The following BCAN variants were observed in gnomAD, a reference collection of about 807,000 sequenced individuals.
BCAN encodes brevican.
A neutral mutation model predicts 92.4 loss-of-function variants in BCAN; 51 were observed. The observed-to-expected ratio is 0.55, with a 90% CI of 0.44 to 0.70. The LOEUF is 0.70. BCAN is among the 30% of genes least tolerant of loss of function. BCAN has a pLI of 0.00. For synonymous variants in BCAN, 501 were observed against 505.2 expected, an observed-to-expected ratio of 0.99 and a Z score of 0.11; for missense variants, 1,140 against 1,212.1, an observed-to-expected ratio of 0.94 and a Z score of 0.88.
Position 156,652,599 on chromosome 1 carries a change from A to C in BCAN, c.1649A>C (p.Asn550Thr), listed in dbSNP as rs749567822. 5.6e-6 allele frequency: 9 copies of C among 1,614,030 alleles called. No individual in the cohort carries two copies. The highest frequency in any genetic ancestry group is 6.8e-6 in the Non-Finnish European group (8 of 1,179,928). ...ACTCTGCCCACTCCCAGGGAGAGGA[A>C]CCTAGCATCCCCATCACCTTCCACT... ...TETLPTPRER[N>T]LASPSPSTLV... Residue 550 changes from asparagine to threonine, a missense_variant, in exon 8 of 14, where the codon AAC becomes ACC. Around this residue, in one of 3 missense-constraint regions of BCAN, gnomAD observed 825 missense variants for 871.8 expected, o/e 0.95. Coordinates refer to ENST00000329117, the MANE Select transcript of BCAN (RefSeq NM_021948.5).
Position 156,658,706 on chromosome 1 carries a change from C to T in BCAN, c.2601C>T (p.Pro867=), listed in dbSNP as rs1679426314. The T allele has an allele frequency of 2.5e-6, 4 of 1,614,082 alleles. No individual in the cohort carries two copies. Among genetic ancestry groups the T allele is most frequent in the Non-Finnish European group, 3.4e-6 (4 of 1,180,038 alleles). ...AAGAGAACGGTCGTTGGGAGGCCCC[C>T]CAGATCTCCTGTGTGCCCAGAAGAC... ...RCQENGRWEA[P]QISCVPRRPA... is the part of the protein sequence containing the mutation. The change falls in exon 13 of 14, where the codon CCC becomes CCT. Residue 867 remains proline, a synonymous_variant. Transcript: ENST00000329117. This position sits in a 1 kb window ranked among gnomAD's most constrained non-coding sequence, Gnocchi z 4.4.
chr1:156,653,568 C>A (rs1679247248), intron 8 of BCAN: 3 of 975,264 alleles, frequency 3.1e-6, no homozygotes, highest in African/African-American at 3.5e-5. Context: ...TCTCTGGCTC[C>A]ATGTCTCTCC....
chr1:156,649,786 C>T (rs1015492478), intron 6 of BCAN: 9 of 483,758 alleles, frequency 1.9e-5, no homozygotes, highest in Middle Eastern at 3.8e-4. Context: ...CAAGGGTGAC[C>T]GACAATAAGA....
intron 7 of BCAN, among the ~76,000 whole-genome samples, 183 bp downstream of exon 7, chr1:156,651,872 A>AC (rs1679176608): frequency 6.6e-6 from 1 of 150,924 alleles, no homozygotes; most frequent in South Asian, 2.1e-4. Flanking sequence ...AGTAAATTCC[A>AC]CCCCCAACTC....
chr1:156,649,010 T>C, intron 6 of BCAN, 149 bp downstream of exon 6: 1 of 1,005,330 alleles, frequency 9.9e-7, no homozygotes, highest in Non-Finnish European at 1.4e-6. Flanking sequence ...TCATCTAGGG[T>C]TCTAATTCTG....
In BCAN at chr1:156,647,979, C is replaced by T; in HGVS notation, c.642-4C>T. On this transcript the variant is annotated splice_polypyrimidine_tract_variant and splice_region_variant and intron_variant, in intron 4 of 13. Transcript: ENST00000329117. This position sits in a 1 kb window ranked among gnomAD's most constrained non-coding sequence, Gnocchi z 4.8. ...TACTAAGTGATTCTGTCCTTCCTCC[C>T]TAGGTATCCCATCCAGACCCCACGA... 3 of 1,612,714 alleles carry T rather than the reference C, an allele frequency of 1.9e-6. No individual in the cohort carries two copies. The highest frequency in any genetic ancestry group is 2.2e-5 in the South Asian group (2 of 91,056).
rs373317767 is a variant in BCAN at position 156,653,062 on chromosome 1, T to A, written c.1942+170T>A. 30 of 1,488,202 alleles carry A rather than the reference T, an allele frequency of 2.0e-5. No individual in the cohort carries two copies. In the East Asian group the frequency reaches 2.3e-4, roughly 12 times the overall value. The allele number at this position is 1,488,202 out of a possible 1,614,324, so 92.2% of individuals were successfully genotyped here. A position where few individuals can be genotyped will look rare whatever the true frequency, so the allele number is the denominator to read the frequency against. ...ACCTATGGGTCTCCAATCTCGGATA[T>A]CCACCTTGTGGGTATCTCAGCTCTC... On this transcript the variant is annotated intron_variant, in intron 8 of 13. Coordinates refer to ENST00000329117, the MANE Select transcript of BCAN (RefSeq NM_021948.5).
In BCAN at chr1:156,658,689, G is replaced by A. The variant is rs764423016; in HGVS notation, c.2584G>A (p.Gly862Ser). Residue 862 changes from glycine (G) to serine (S), a missense_variant, in exon 13 of 14, where the codon GGT becomes AGT. This residue lies in a region of BCAN where 825 missense variants were observed against 871.8 expected (regional missense o/e 0.95). Transcript: ENST00000329117. The surrounding 1 kb of genome is among the most constrained non-coding windows in gnomAD (Gnocchi z 4.4). ...NLPLIRCQEN[G>S]RWEAPQISCV... ...GCCGCTGATCCGATGCCAAGAGAAC[G>A]GTCGTTGGGAGGCCCCCCAGATCTC... The A allele has an allele frequency of 2.2e-5, 35 of 1,614,024 alleles. No homozygotes were observed. In the Admixed American group the frequency reaches 4.5e-4, roughly 21 times the overall value.
Position 156,659,403 on chromosome 1 carries a change from C to T in BCAN, c.*269C>T. 2.1e-6 allele frequency: 1 copy of T among 482,430 alleles called. No individual in the cohort carries two copies. Among genetic ancestry groups the T allele is most frequent in the South Asian group, 3.1e-5 (1 of 32,550 alleles). 29.9% of individuals were successfully genotyped at this position (482,430 alleles called of 1,614,324 possible). On this transcript the variant is annotated 3_prime_UTR_variant, in exon 14 of 14. Coordinates refer to ENST00000329117, the MANE Select transcript of BCAN (RefSeq NM_021948.5). ...CAACTGCCCTCTCCCTGGCAGCCATCTTGTCCCCTCTATTCCTCTAGGGAG... is the reference window on the plus strand; with the variant it reads ...CAACTGCCCTCTCCCTGGCAGCCATTTTGTCCCCTCTATTCCTCTAGGGAG...
chr1:156,649,549 T>G (rs907653324), intron 6 of BCAN, among the ~76,000 whole-genome samples: 5 of 152,146 alleles, frequency 3.3e-5, no homozygotes, highest in Admixed American at 6.5e-5. Context: ...GACCACAGGC[T>G]TATGCCACCA....
At position 156,646,822 on chromosome 1, in the gene BCAN, G is replaced by A. The variant is rs149062631; in HGVS notation, c.113G>A (p.Arg38His). ...ACAGAGGACCGCGCTTTTCGCGTGC[G>A]CATCGCGGGCGACGCGCCACTGCAG... ...DSSEDRAFRV[R>H]IAGDAPLQGV... The change falls in exon 3 of 14, where the codon CGC becomes CAC. Residue 38 changes from arginine (R) to histidine (H), a missense_variant. By Grantham distance (29) the Arg-to-His change is conservative (BLOSUM62 0). Coordinates refer to ENST00000329117, the MANE Select transcript of BCAN (RefSeq NM_021948.5). The A allele has an allele frequency of 2.5e-6, 4 of 1,569,900 alleles. No individual in the cohort carries two copies. The Admixed American group carries it at 5.6e-5, about 22-fold the overall frequency.
chr1:156,647,082 A>C lies in BCAN; in HGVS notation c.373A>C (p.Ser125Arg). 1 of 1,609,374 alleles carries C rather than the reference A, an allele frequency of 6.2e-7. No individual in the cohort carries two copies. Among genetic ancestry groups the C allele is most frequent in the South Asian group, 1.1e-5 (1 of 90,872 alleles). Reference sequence around the variant, plus strand: ...GCTCACCGACGTCTCCCTGGCGCTGAGCGAGCTGCGCCCCAACGACTCAGG... The same window carrying C: ...GCTCACCGACGTCTCCCTGGCGCTGCGCGAGCTGCGCCCCAACGACTCAGG... ...ASLTDVSLAL[S>R]ELRPNDSGIY... Residue 125 changes from serine to arginine, a missense_variant, in exon 3 of 14, where the codon AGC (serine) becomes CGC (arginine). By Grantham distance (110) the Ser-to-Arg change is moderately radical. Transcript: ENST00000329117. This position sits in a 1 kb window ranked among gnomAD's most constrained non-coding sequence, Gnocchi z 4.8.
intron 6 of BCAN, chr1:156,649,861 C>G (rs1222034595): frequency 1.9e-6 from 1 of 518,774 alleles, no homozygotes. Flanking sequence ...GTTACAAGAG[C>G]TGGAAGCAGA....
intron 9 of BCAN, 77 bp downstream of exon 9, chr1:156,656,466 G>T: frequency 4.3e-6 from 5 of 1,176,232 alleles, no homozygotes; most frequent in Non-Finnish European, 4.5e-6. Context: ...GGGGGAGGGA[G>T]AACATTGGTT....
rs757949981 is a variant in BCAN, at chr1:156,658,729, G to C, written c.2624G>C (p.Arg875Thr). The change falls in exon 13 of 14, where the codon AGA becomes ACA. Residue 875 changes from arginine to threonine, a missense_variant. Arg to Thr is a moderately conservative substitution (Grantham distance 71). This residue lies in a region of BCAN where 825 missense variants were observed against 871.8 expected (regional missense o/e 0.95). Coordinates refer to ENST00000329117, the MANE Select transcript of BCAN (RefSeq NM_021948.5). The surrounding 1 kb of genome is among the most constrained non-coding windows in gnomAD (Gnocchi z 4.4). The part of the protein sequence containing the change: ...EAPQISCVPR[R>T]PARALHPEED... ...CCCCAGATCTCCTGTGTGCCCAGAA[G>C]ACCTGTGAGTGCCAGGAAGAGGCAG... 2.5e-6 allele frequency: 4 copies of C among 1,613,874 alleles called. No individual in the cohort carries two copies. The African/African-American group carries it at 4.0e-5, about 16-fold the overall frequency.
chr1:156,642,697 G>A lies in BCAN; in HGVS notation c.-9+422G>A, dbSNP rs960970046. On this transcript the variant is annotated intron_variant, in intron 1 of 13. Transcript: ENST00000329117. The surrounding 1 kb of genome is among the most constrained non-coding windows in gnomAD (Gnocchi z 4.2). ...AGCAGCGGCCAGCAACCCTTCTGGG[G>A]ACACCTTACTGTAGTCCGGCAGGAC... 2 of 152,418 alleles carry A rather than the reference G, an allele frequency of 1.3e-5. No individual in the cohort carries two copies. Among genetic ancestry groups the A allele is most frequent in the African/African-American group, 4.8e-5 (2 of 41,460 alleles). The allele number at this position is 152,418 out of a possible 1,614,324, so 9.4% of individuals were successfully genotyped here.
Position 156,657,085 on chromosome 1 carries a change from A to C in BCAN, c.2198A>C (p.Asp733Ala), listed in dbSNP as rs1333479841. 1.2e-6 allele frequency: 2 copies of C among 1,612,680 alleles called. No homozygotes were observed. Among genetic ancestry groups the C allele is most frequent in the South Asian group, 1.1e-5 (1 of 91,058 alleles). The change falls in exon 10 of 14, where the codon GAC becomes GCC. Residue 733 changes from aspartate to alanine, a missense_variant. Coordinates refer to ENST00000329117, the MANE Select transcript of BCAN (RefSeq NM_021948.5). ...LASISTPEEQ[D>A]FINNRYREYQ... Reference sequence around the variant, plus strand: ...AGCATCAGCACACCCGAGGAACAGGACTTCATCAACAGTGGGCTGGGAGAC... The same window carrying C: ...AGCATCAGCACACCCGAGGAACAGGCCTTCATCAACAGTGGGCTGGGAGAC...
chr1:156,653,413 G>T, intron 8 of BCAN: 2 of 995,934 alleles, frequency 2.0e-6, no homozygotes, highest in Non-Finnish European at 2.4e-6. Flanking sequence ...AGTATTTTTT[G>T]ACTGTTTCAT....
intron 8 of BCAN, among the ~76,000 whole-genome samples, chr1:156,655,943 C>T (rs180856068): frequency 6.6e-6 from 1 of 152,332 alleles, no homozygotes; most frequent in African/African-American, 2.4e-5. Flanking sequence ...AGAGCTATAA[C>T]TTTCTGTGCC....
Sources: gnomAD v4.1 joint callset for allele counts (sites outside exome capture counted in the v4.1 genomes callset) on GRCh38, gnomAD v4.1.1 for gene constraint, gnomAD v4.1.1 regional missense constraint, Gnocchi (gnomAD v3.1) non-coding constraint, MANE v1.5 for transcripts, NCBI Gene and HGNC (gene_info 2026-07-23, HGNC 2026-07-21) for gene names.